The following TPH2 variants were observed in gnomAD, a reference collection of about 807,000 sequenced individuals.
TPH2 encodes tryptophan hydroxylase 2.
Under a neutral mutation model 59.1 loss-of-function variants are expected in TPH2, and 27 were observed. The observed-to-expected ratio is 0.46, with a 90% CI of 0.34 to 0.63. The LOEUF is 0.63. Among genes scored for constraint, TPH2 ranks in the 30% least tolerant of loss-of-function variants. The probability of loss-of-function intolerance (pLI) is 0.01; values close to 1 mark genes in which losing one functional copy is unlikely to be tolerated. For missense variants in TPH2, 523 were observed against 588.3 expected, an observed-to-expected ratio of 0.89 and a Z score of 1.15; for synonymous variants, 220 against 210.5, an observed-to-expected ratio of 1.05 and a Z score of -0.39.
intron 7 of TPH2, among the ~76,000 whole-genome samples, chr12:71,989,949 GT>G (rs10716615): frequency 0.051 from 1,378 of 26,988 alleles, 26 homozygotes; most frequent in African/African-American, 0.081. Flanking sequence ...TCAGCTCTTG[GT>G]TTTTTTTTTT....
At position 71,944,500 on chromosome 12, in the gene TPH2, G is replaced by A. The variant is rs756806474; in HGVS notation, c.439+23G>A. On this transcript the variant is annotated intron_variant, in intron 3 of 10. Transcript: ENST00000333850. ...AAGGCAAGGGTGGTCTTAGCTTGTC[G>A]GGTAACTTTGCAATCTGACAAATAT... 8.8e-5 allele frequency: 142 copies of A among 1,613,740 alleles called. No homozygotes were observed. The East Asian group carries it at 2.6e-3, about 29-fold the overall frequency.
rs57986383 is a variant in TPH2, at chr12:71,977,448, TACAC to T, written c.806-1484_806-1481del. On this transcript the variant is annotated intron_variant, in intron 6 of 10. Transcript: ENST00000333850. ...GTTACTAAATTTTATGTGCTCTTAC[TACAC>T]ACACACACACACACACACAGACACA... Among the ~76,000 whole-genome samples, 147 of 150,002 alleles carry T rather than the reference TACAC, an allele frequency of 9.8e-4. 1 individual carries two copies. Among genetic ancestry groups the T allele is most frequent in the African/African-American group, 2.8e-3 (115 of 41,076 alleles).
At chr12:71,962,470 AC>A in intron 5 of TPH2, 1 of 985,370 alleles carries the variant, frequency 1.0e-6, no homozygotes, top group Non-Finnish European at 1.2e-6. Context: ...GGTCAGGAAA[AC>A]TGAATTGAGA....
At chr12:71,975,469 G>A (rs1213079546) in intron 6 of TPH2, among the ~76,000 whole-genome samples, 1 of 152,170 alleles carries the variant, frequency 6.6e-6, no homozygotes, top group Non-Finnish European at 1.5e-5. Flanking sequence ...GCTCAAGTCT[G>A]AACAGCTCAG....
At chr12:71,979,902 T>C (rs1872226895) in intron 7 of TPH2, among the ~76,000 whole-genome samples, 1 of 152,214 alleles carries the variant, frequency 6.6e-6, no homozygotes, top group African/African-American at 2.4e-5. Context: ...TGTCTGGGAA[T>C]GAGACAGCAT....
At chr12:71,976,645 A>G (rs1394344279) in intron 6 of TPH2, among the ~76,000 whole-genome samples, 1 of 152,242 alleles carries the variant, frequency 6.6e-6, no homozygotes, top group East Asian at 1.9e-4. Flanking sequence ...TCACCGGGGA[A>G]TAATCCAAAG....
chr12:71,970,291 A>G (rs1171156175), intron 5 of TPH2, among the ~76,000 whole-genome samples: 1 of 152,212 alleles, frequency 6.6e-6, no homozygotes, highest in Non-Finnish European at 1.5e-5. Flanking sequence ...CAAGTTATCC[A>G]GGAGAGACAA....
Position 71,994,557 on chromosome 12 carries a change from C to CTTCA in TPH2, c.1061_1062insTCAT (p.Ala355HisfsTer40), listed in dbSNP as rs757480713. ...AGCATCAGATGAAGATGTTCAGAAA[C>CTTCA]TAGCCACGGTGAGTTCATTTTCAAC... On this transcript the variant is annotated frameshift_variant, in exon 8 of 11. Coordinates refer to ENST00000333850, the MANE Select transcript of TPH2 (RefSeq NM_173353.4). LOFTEE classifies it high-confidence loss of function. 8.7e-6 allele frequency: 14 copies of CTTCA among 1,613,722 alleles called. No homozygotes were observed. The highest frequency in any genetic ancestry group is 1.1e-5 in the Non-Finnish European group (13 of 1,179,804).
intron 5 of TPH2, among the ~76,000 whole-genome samples, chr12:71,957,982 G>A (rs549282115): frequency 6.6e-6 from 1 of 152,306 alleles, no homozygotes; most frequent in South Asian, 2.1e-4. Context: ...ATCCTGCACT[G>A]TGTTAAACGT....
intron 1 of TPH2, among the ~76,000 whole-genome samples, chr12:71,939,419 G>A (rs937224858): frequency 2.0e-5 from 3 of 147,478 alleles, no homozygotes; most frequent in Admixed American, 6.8e-5. Flanking sequence ...AAAAAATGGA[G>A]TGTGAAGAAT....
At chr12:72,010,251 A>G (rs1452320924) in intron 8 of TPH2, among the ~76,000 whole-genome samples, 1 of 152,178 alleles carries the variant, frequency 6.6e-6, no homozygotes, top group African/African-American at 2.4e-5. Context: ...AAAGTGCTTA[A>G]CAGTGTGTCT....
At chr12:71,998,233 C>A (rs1416701130) in intron 8 of TPH2, among the ~76,000 whole-genome samples, 1 of 152,164 alleles carries the variant, frequency 6.6e-6, no homozygotes, top group Non-Finnish European at 1.5e-5. Context: ...CTCTGACTTT[C>A]TGTCTCTCAT....
In TPH2 at chr12:71,944,337, G is replaced by A. The variant is rs530018658; in HGVS notation, c.299G>A (p.Arg100Gln). The change falls in exon 3 of 11, where the codon CGG becomes CAG. Residue 100 changes from arginine to glutamine, a missense_variant. Transcript: ENST00000333850. Reference sequence around the variant, plus strand: ...GTTCATATTGAATCCAGGAAATCTCGGCGAAGAAGTTCTGAGGTTGAAATC... The same window carrying A: ...GTTCATATTGAATCCAGGAAATCTCAGCGAAGAAGTTCTGAGGTTGAAATC... ...NMVHIESRKS[R>Q]RRSSEVEIFV... 24 of 1,613,744 alleles carry A rather than the reference G, an allele frequency of 1.5e-5. No individual in the cohort carries two copies. In the East Asian group the frequency reaches 1.8e-4, roughly 12 times the overall value.
chr12:71,950,687 T>C (rs1324120578), intron 5 of TPH2, among the ~76,000 whole-genome samples: 1 of 152,144 alleles, frequency 6.6e-6, no homozygotes, highest in Non-Finnish European at 1.5e-5. Flanking sequence ...CAAATCCATC[T>C]CGTAAGGGAA....
At chr12:71,960,582 G>T (rs1871651200) in intron 5 of TPH2, among the ~76,000 whole-genome samples, 1 of 152,184 alleles carries the variant, frequency 6.6e-6, no homozygotes, top group Middle Eastern at 3.2e-3. Context: ...ATTTGGAAAA[G>T]GTTTCTCCTT....
rs1314613394 is a variant in TPH2, at chr12:71,944,661, GT to G, written c.517del (p.Ser173LeufsTer68). ...DKCSHRVLMY[G>X]SELDADHPGF... ...TGCTCTCACAGAGTTCTCATGTATGGTTCTGAGCTTGATGCTGACCACCCAG... is the reference window on the plus strand; with the variant it reads ...TGCTCTCACAGAGTTCTCATGTATGGTCTGAGCTTGATGCTGACCACCCAG... On this transcript the variant is annotated frameshift_variant, in exon 4 of 11. Transcript: ENST00000333850. LOFTEE classifies it high-confidence loss of function. The G allele has an allele frequency of 6.2e-7, 1 of 1,613,876 alleles. No individual in the cohort carries two copies. The highest frequency in any genetic ancestry group is 2.2e-5 in the East Asian group (1 of 44,874).
chr12:71,996,023 T>C (rs1355996962), intron 8 of TPH2, among the ~76,000 whole-genome samples: 2 of 152,222 alleles, frequency 1.3e-5, no homozygotes, highest in Non-Finnish European at 2.9e-5. Context: ...ATCTATTATA[T>C]CATAATTTCT....
chr12:72,030,438 C>A (rs1480683235), intron 9 of TPH2, among the ~76,000 whole-genome samples: 3 of 152,054 alleles, frequency 2.0e-5, no homozygotes, highest in Non-Finnish European at 4.4e-5. Flanking sequence ...CAGCACATGG[C>A]AGGAAATGAC....
intron 7 of TPH2, among the ~76,000 whole-genome samples, chr12:71,987,510 C>T (rs192668435): frequency 1.6e-4 from 24 of 152,172 alleles, no homozygotes; most frequent in Admixed American, 7.8e-4. Flanking sequence ...ACCTAACTTA[C>T]GGGAACTAAG....
Sources: allele counts gnomAD v4.1 joint callset (sites outside exome capture counted in the v4.1 genomes callset), GRCh38; gene constraint gnomAD v4.1.1; transcripts MANE v1.5; gene names NCBI Gene and HGNC (gene_info 2026-07-23, HGNC 2026-07-21).